The following PTPRF variants were observed in gnomAD, a reference collection of about 807,000 sequenced individuals.
The protein encoded by PTPRF is receptor-type tyrosine-protein phosphatase F.
In PTPRF, 59 loss-of-function variants were observed where a neutral mutation model predicts 201.8. That is an observed-to-expected ratio of 0.29 (90% confidence interval 0.24 to 0.36). The LOEUF (loss-of-function observed/expected upper bound fraction) is 0.36, where lower values mean the gene tolerates loss of function less well. PTPRF is among the 10% of genes least tolerant of loss of function. The probability of loss-of-function intolerance (pLI) is 1.00; values close to 1 mark genes in which losing one functional copy is unlikely to be tolerated. For synonymous variants in PTPRF, 1,088 were observed against 1,089.7 expected (o/e 1.00, Z 0.03); for missense variants, 2,132 against 2,690.5 (o/e 0.79, Z 4.59).
At chr1:43,583,130 C>T in intron 7 of PTPRF, 1 of 981,578 alleles carries the variant, frequency 1.0e-6, no homozygotes, top group Non-Finnish European at 1.2e-6. Flanking sequence ...CTACAGTTCG[C>T]CCATCGATGG....
At chr1:43,592,193 G>A (rs1243436549) in intron 10 of PTPRF, among the ~76,000 whole-genome samples, 1 of 152,018 alleles carries the variant, frequency 6.6e-6, no homozygotes, top group Non-Finnish European at 1.5e-5. Context: ...CCTAGGCTCT[G>A]TGGCTCATAT....
rs1252295013 is a variant in PTPRF at position 43,598,870 on chromosome 1, G to A, written c.2270G>A (p.Arg757His). 6.8e-6 allele frequency: 11 copies of A among 1,613,964 alleles called. No individual in the cohort carries two copies. Among genetic ancestry groups the A allele is most frequent in the South Asian group, 1.1e-5 (1 of 91,082 alleles). ...TYVRLENGEP[R>H]GLPIIQDVML... ...GTGCGGCTGGAGAATGGCGAGCCCC[G>A]TGGACTCCCCATCATCCAAGACGTC... Residue 757 changes from arginine (R) to histidine (H), a missense_variant, in exon 13 of 34, where the codon CGT becomes CAT. This residue lies in a region of PTPRF where 818 missense variants were observed against 915.3 expected (regional missense o/e 0.89). Coordinates refer to ENST00000359947, the MANE Select transcript of PTPRF (RefSeq NM_002840.5).
At chr1:43,562,971 A>G (rs968869057) in intron 5 of PTPRF, among the ~76,000 whole-genome samples, 17 of 151,510 alleles carry the variant, frequency 1.1e-4, no homozygotes, top group African/African-American at 3.9e-4. Context: ...TGAGGTCGGG[A>G]GTTCGAGACC....
At position 43,609,475 on chromosome 1, in the gene PTPRF, G is replaced by A. The variant is rs777629923; in HGVS notation, c.3950G>A (p.Arg1317Gln). 2.2e-5 allele frequency: 35 copies of A among 1,613,710 alleles called. No homozygotes were observed. Among genetic ancestry groups the A allele is most frequent in the Admixed American group, 5.0e-5 (3 of 59,986 alleles). The stretch of plus-strand genomic sequence containing the variant: ...CACTCCTCTGACCCTGTGGAGATGC[G>A]GAGGCTCAACTACCAGACCCCAGGT... ...LAHSSDPVEM[R>Q]RLNYQTPGMR... The change falls in exon 22 of 34, where the codon CGG becomes CAG. Residue 1317 changes from arginine (R) to glutamine (Q), a missense_variant. This residue lies in a region of PTPRF where 818 missense variants were observed against 915.3 expected (regional missense o/e 0.89). Transcript: ENST00000359947.
intron 6 of PTPRF, chr1:43,575,814 G>A (rs1646887680): frequency 2.6e-6 from 3 of 1,132,460 alleles, no homozygotes; most frequent in South Asian, 2.6e-5. Context: ...GCCCTTTCTT[G>A]TGTTTTATTT....
rs1199674135 is a variant in PTPRF, at chr1:43,597,872, C to T, written c.1938C>T (p.Tyr646=). 2.5e-6 allele frequency: 4 copies of T among 1,608,316 alleles called. No homozygotes were observed. The highest frequency in any genetic ancestry group is 3.4e-5 in the Admixed American group (2 of 59,322). ...TTATCACCCAGTACTCCGTGGCCTA[C>T]GAGGCGGTGGACGGCGAGGACCGCG... ...NGVITQYSVA[Y]EAVDGEDRGR... The change falls in exon 12 of 34, where the codon TAC becomes TAT. Residue 646 remains tyrosine (Y), a synonymous_variant. Transcript: ENST00000359947.
At chr1:43,541,223 A>G (rs1482900973) in intron 2 of PTPRF, among the ~76,000 whole-genome samples, 1 of 152,214 alleles carries the variant, frequency 6.6e-6, no homozygotes, top group African/African-American at 2.4e-5. Context: ...GTATTTGGAG[A>G]CTAATTAATA....
intron 3 of PTPRF, among the ~76,000 whole-genome samples, chr1:43,550,814 G>A (rs573013013): frequency 6.6e-6 from 1 of 152,328 alleles, no homozygotes; most frequent in East Asian, 1.9e-4. Flanking sequence ...ATAGGTTGGG[G>A]GCAGGGGGAC....
At position 43,617,825 on chromosome 1, in the gene PTPRF, G is replaced by A; in HGVS notation, c.4285G>A (p.Glu1429Lys). 3 of 1,613,932 alleles carry A rather than the reference G, an allele frequency of 1.9e-6. No homozygotes were observed. Among genetic ancestry groups the A allele is most frequent in the Non-Finnish European group, 2.5e-6 (3 of 1,179,894 alleles). Residue 1429 changes from glutamate to lysine, a missense_variant, in exon 25 of 34, where the codon GAG becomes AAG. Physicochemically the swap from Glu to Lys is moderately conservative, Grantham distance 56. Around this residue, in one of 6 missense-constraint regions of PTPRF, gnomAD observed 22 missense variants for 48.1 expected, o/e 0.46. Transcript: ENST00000359947. ...CATCGCCACGCAGGGCCCCCTGCCC[G>A]AGACCATGGGTGATTTCTGGAGGAT... Reference protein sequence around the residue: ...AYIATQGPLPETMGDFWRMVW... With the variant: ...AYIATQGPLPKTMGDFWRMVW...
At chr1:43,545,456 G>A (rs559941036) in intron 3 of PTPRF, among the ~76,000 whole-genome samples, 2 of 152,230 alleles carry the variant, frequency 1.3e-5, no homozygotes, top group East Asian at 3.9e-4. Flanking sequence ...TGTGATGTGC[G>A]CGTGTGTGTG....
chr1:43,575,612 G>A (rs549899275), intron 6 of PTPRF, among the ~76,000 whole-genome samples: 1 of 152,094 alleles, frequency 6.6e-6, no homozygotes, highest in South Asian at 2.1e-4. Context: ...CCAGCCAGTG[G>A]GGTCTGCAGG....
intron 23 of PTPRF, 40 bp downstream of exon 23, chr1:43,613,755 C>A: frequency 6.5e-7 from 1 of 1,540,568 alleles, no homozygotes; most frequent in South Asian, 1.1e-5. Context: ...CTGGCCCAGG[C>A]CTACCCAAAC....
Position 43,553,361 on chromosome 1 carries a change from C to A in PTPRF, c.92-131C>A. ...TGAACAGTGCCTGGCACATACTAAG[C>A]GCTACATAAAGGTGAGGTGTCCTTG... On this transcript the variant is annotated intron_variant, in intron 3 of 33. Coordinates refer to ENST00000359947, the MANE Select transcript of PTPRF (RefSeq NM_002840.5). This position sits in a 1 kb window ranked among gnomAD's most constrained non-coding sequence, Gnocchi z 4.1. 2.0e-6 allele frequency: 2 copies of A among 1,013,094 alleles called. No homozygotes were observed. Among genetic ancestry groups the A allele is most frequent in the Non-Finnish European group, 3.0e-6 (2 of 676,944 alleles). The allele number at this position is 1,013,094 out of a possible 1,614,324, so 62.8% of individuals were successfully genotyped here. A position where few individuals can be genotyped will look rare whatever the true frequency, so the allele number is the denominator to read the frequency against.
chr1:43,541,180 G>A (rs1040244332), intron 2 of PTPRF, among the ~76,000 whole-genome samples: 2 of 152,226 alleles, frequency 1.3e-5, no homozygotes, highest in African/African-American at 4.8e-5. Context: ...CTGGCCTGGG[G>A]AGGTGAGATG....
chr1:43,608,802 G>A (rs963271738), intron 21 of PTPRF, among the ~76,000 whole-genome samples: 1 of 152,174 alleles, frequency 6.6e-6, no homozygotes, highest in Admixed American at 6.5e-5. Context: ...ACCACAAGTA[G>A]CCTCTGGCTA....
chr1:43,581,695 G>A (rs1647686906), intron 7 of PTPRF, among the ~76,000 whole-genome samples: 1 of 152,254 alleles, frequency 6.6e-6, no homozygotes, highest in African/African-American at 2.4e-5. Context: ...CCTGAGCCCT[G>A]CTTGTGGGTG....
chr1:43,617,580 G>A lies in PTPRF; in HGVS notation c.4195+12G>A, dbSNP rs1286782147. 4 of 1,613,622 alleles carry A rather than the reference G, an allele frequency of 2.5e-6. No homozygotes were observed. In the African/African-American group the frequency reaches 5.3e-5, roughly 22 times the overall value. On this transcript the variant is annotated intron_variant, in intron 24 of 33. Coordinates refer to ENST00000359947, the MANE Select transcript of PTPRF (RefSeq NM_002840.5). The stretch of plus-strand genomic sequence containing the variant: ...TACCTCTATCGATGGTGAGCCAAGG[G>A]GGTGCCCCTCCCATCCCCTTGCTCT...
rs1229716400 is a variant in PTPRF, at chr1:43,568,882, T to G, written c.380-708T>G. On this transcript the variant is annotated intron_variant, in intron 5 of 33. Transcript: ENST00000359947. ...ACCAACTTTTTGTGTCTTTAGAGCT[T>G]TTTTATCTCCTTTGCCTCCACACAC... Among the ~76,000 whole-genome samples, 6 of 152,320 alleles carry G rather than the reference T, an allele frequency of 3.9e-5. No homozygotes were observed. The East Asian group carries it at 1.2e-3, about 29-fold the overall frequency.
chr1:43,547,318 C>G (rs1644742586), intron 3 of PTPRF, among the ~76,000 whole-genome samples: 1 of 152,238 alleles, frequency 6.6e-6, no homozygotes, highest in Non-Finnish European at 1.5e-5. Flanking sequence ...AGCCCAAACA[C>G]CAGGTCTTGA....
Sources: allele counts gnomAD v4.1 joint callset (sites outside exome capture counted in the v4.1 genomes callset), GRCh38; gene constraint gnomAD v4.1.1; regional missense constraint gnomAD v4.1.1; non-coding constraint Gnocchi (gnomAD v3.1); transcripts MANE v1.5; gene names NCBI Gene and HGNC (gene_info 2026-07-23, HGNC 2026-07-21).